The following B3GAT2 variants were observed in gnomAD, a reference collection of about 807,000 sequenced individuals.
The protein encoded by B3GAT2 is galactosylgalactosylxylosylprotein 3-beta-glucuronosyltransferase 2.
B3GAT2 carries 26 observed loss-of-function variants against 27.8 expected under a neutral mutation model. That is an observed-to-expected ratio of 0.93 (90% confidence interval 0.68 to 1.30). The LOEUF (loss-of-function observed/expected upper bound fraction) is 1.30, where lower values mean the gene tolerates loss of function less well. Among genes scored for constraint, B3GAT2 ranks in the 50% most tolerant of loss-of-function variants. The probability of loss-of-function intolerance (pLI) is 0.00; values close to 1 mark genes in which losing one functional copy is unlikely to be tolerated. For missense variants in B3GAT2, 458 were observed against 459.0 expected (o/e 1.00, Z 0.02); for synonymous variants, 218 against 195.1 (o/e 1.12, Z -0.98).
intron 1 of B3GAT2, among the ~76,000 whole-genome samples, chr6:70,925,176 G>A (rs140503182): frequency 7.2e-5 from 11 of 152,284 alleles, no homozygotes; most frequent in African/African-American, 1.2e-4. Context: ...TAGCAGGATC[G>A]TTACAAGATG....
chr6:70,940,759 C>T (rs1395799980), intron 1 of B3GAT2, among the ~76,000 whole-genome samples: 1 of 152,108 alleles, frequency 6.6e-6, no homozygotes, highest in African/African-American at 2.4e-5. Flanking sequence ...GAAACCCCAC[C>T]TTTACTAAAA....
At position 70,857,589 on chromosome 6, in the gene B3GAT2, G is replaced by A; in HGVS notation, c.*4074C>T. ...AGCTCTCACTTCCCTGTTTCGTACT[G>A]GGGGACCAGTGGTACAAATCAGCAA... On this transcript the variant is annotated 3_prime_UTR_variant, in exon 4 of 4. Transcript: ENST00000230053. The A allele has an allele frequency of 7.6e-6, 2 of 263,720 alleles. No individual in the cohort carries two copies. Among genetic ancestry groups the A allele is most frequent in the East Asian group, 9.3e-5 (1 of 10,718 alleles). 16.3% of individuals were successfully genotyped at this position (263,720 alleles called of 1,614,324 possible).
chr6:70,870,664 A>ATG (rs974174584), intron 2 of B3GAT2, among the ~76,000 whole-genome samples: 8 of 152,072 alleles, frequency 5.3e-5, no homozygotes, highest in African/African-American at 1.9e-4. Flanking sequence ...AAAAACAGTT[A>ATG]TGTGTGTGTG....
intron 1 of B3GAT2, among the ~76,000 whole-genome samples, chr6:70,920,734 G>A (rs574415328): frequency 1.3e-5 from 2 of 152,262 alleles, no homozygotes; most frequent in South Asian, 4.1e-4. Flanking sequence ...GTGTTCAGAG[G>A]TCTAGTCCTT....
chr6:70,879,166 C>A (rs542233132), intron 2 of B3GAT2, among the ~76,000 whole-genome samples: 1 of 151,390 alleles, frequency 6.6e-6, no homozygotes, highest in Admixed American at 6.6e-5. Flanking sequence ...TTGGCTAAAG[C>A]GCTTTCCTTA....
intron 1 of B3GAT2, among the ~76,000 whole-genome samples, chr6:70,926,451 T>TAGAA (rs1200660461): frequency 1.9e-4 from 28 of 147,266 alleles, no homozygotes; most frequent in Non-Finnish European, 3.1e-4. Context: ...AAATGGCTAA[T>TAGAA]TACAATAAAC....
chr6:70,886,396 T>C (rs1562218568), intron 2 of B3GAT2, among the ~76,000 whole-genome samples: 1 of 152,182 alleles, frequency 6.6e-6, no homozygotes, highest in African/African-American at 2.4e-5. Context: ...GCAAACAATA[T>C]ATAATTATTG....
intron 2 of B3GAT2, among the ~76,000 whole-genome samples, chr6:70,877,294 A>G (rs1772031253): frequency 6.6e-6 from 1 of 152,120 alleles, no homozygotes; most frequent in South Asian, 2.1e-4. Context: ...ACAAAGAAGG[A>G]GCTTACATCA....
At chr6:70,892,358 T>C (rs147178650) in intron 2 of B3GAT2, among the ~76,000 whole-genome samples, 2 of 152,224 alleles carry the variant, frequency 1.3e-5, no homozygotes, top group African/African-American at 4.8e-5. Context: ...ACAAGTCTAT[T>C]TGATACCTGA....
intron 1 of B3GAT2, among the ~76,000 whole-genome samples, chr6:70,939,194 G>A (rs1442682850): frequency 6.7e-6 from 1 of 149,496 alleles, no homozygotes; most frequent in Admixed American, 6.7e-5. Context: ...AAACCACAAT[G>A]AGATACCATC....
chr6:70,871,296 G>C (rs1242213864), intron 2 of B3GAT2, among the ~76,000 whole-genome samples: 1 of 141,858 alleles, frequency 7.0e-6, no homozygotes, highest in Non-Finnish European at 1.5e-5. Context: ...TCCTTCAAAA[G>C]TGTTCCCTTC....
intron 1 of B3GAT2, among the ~76,000 whole-genome samples, chr6:70,907,704 C>T (rs1247436217): frequency 6.6e-6 from 1 of 152,182 alleles, no homozygotes; most frequent in Non-Finnish European, 1.5e-5. Context: ...TCCACCAGTC[C>T]TCTTCCCTTG....
At chr6:70,919,221 C>T (rs1772826996) in intron 1 of B3GAT2, among the ~76,000 whole-genome samples, 1 of 152,062 alleles carries the variant, frequency 6.6e-6, no homozygotes, top group South Asian at 2.1e-4. Context: ...TCATAAAGTT[C>T]TTGTACTATG....
chr6:70,883,628 G>T (rs1582350495), intron 2 of B3GAT2, among the ~76,000 whole-genome samples: 1 of 152,126 alleles, frequency 6.6e-6, no homozygotes, highest in Non-Finnish European at 1.5e-5. Context: ...GATGGAAAAG[G>T]TGTGGAGTTG....
chr6:70,939,064 C>A lies in B3GAT2; in HGVS notation c.591+16775G>T, dbSNP rs539728900. ...AAACAAATTTACAAGAAAAAACCAA[C>A]CAACCCCATCAACAAGTGGGCGAAG... is the stretch of plus-strand genomic sequence containing the variant. On this transcript the variant is annotated intron_variant, in intron 1 of 3. Transcript: ENST00000230053. 5.3e-5 allele frequency among the ~76,000 whole-genome samples: 8 copies of A among 152,094 alleles called. No individual in the cohort carries two copies. In the South Asian group the frequency reaches 6.3e-4, roughly 12 times the overall value.
intron 1 of B3GAT2, among the ~76,000 whole-genome samples, chr6:70,918,161 C>A (rs1000746342): frequency 2.0e-5 from 3 of 152,164 alleles, no homozygotes; most frequent in Non-Finnish European, 4.4e-5. Flanking sequence ...ATGTTAACGG[C>A]CTTCTTTGTC....
chr6:70,874,582 A>G (rs1354935945), intron 2 of B3GAT2, among the ~76,000 whole-genome samples: 1 of 152,172 alleles, frequency 6.6e-6, no homozygotes, highest in Non-Finnish European at 1.5e-5. Flanking sequence ...CCTTCCAGAA[A>G]TATGTCAGAG....
intron 1 of B3GAT2, among the ~76,000 whole-genome samples, chr6:70,931,901 A>C (rs150042024): frequency 9.2e-5 from 14 of 152,314 alleles, no homozygotes; most frequent in African/African-American, 3.1e-4. Context: ...AATATCCAAA[A>C]TATCTAAAGA....
At chr6:70,938,425 TA>T (rs1765332776) in intron 1 of B3GAT2, among the ~76,000 whole-genome samples, 1 of 150,258 alleles carries the variant, frequency 6.7e-6, no homozygotes. Context: ...TATGGAACCA[TA>T]AAAGAGCCCA....
Sources: gnomAD v4.1 joint callset for allele counts (sites outside exome capture counted in the v4.1 genomes callset) on GRCh38, gnomAD v4.1.1 for gene constraint, MANE v1.5 for transcripts, NCBI Gene and HGNC (gene_info 2026-07-23, HGNC 2026-07-21) for gene names.